FAM124A: variants seen among roughly 807,000 people sequenced by gnomAD.
The protein encoded by FAM124A is family with sequence similarity 124 member A.
In FAM124A, 23 loss-of-function variants were observed where a neutral mutation model predicts 24.5. The ratio of observed to expected loss-of-function variants is 0.94; its 90% CI spans 0.68 to 1.33. The LOEUF is 1.33. Among genes scored for constraint, FAM124A ranks in the 40% most tolerant of loss-of-function variants. FAM124A has a pLI of 0.00. For missense variants in FAM124A, 623 were observed against 722.8 expected (o/e 0.86, Z 1.58); for synonymous variants, 287 against 314.7 (o/e 0.91, Z 0.93).
chr13:51,245,330 G>T (rs117053935), intron 2 of FAM124A: 2 of 686,688 alleles, frequency 2.9e-6, no homozygotes. Context: ...TCCACCTGGC[G>T]GATGCCATGT....
At chr13:51,254,293 A>G (rs886311269) in intron 3 of FAM124A, among the ~76,000 whole-genome samples, 1 of 152,196 alleles carries the variant, frequency 6.6e-6, no homozygotes, top group Non-Finnish European at 1.5e-5. Context: ...TTTTGTTCAG[A>G]AAGATTGCAT....
At chr13:51,256,639 T>C (rs1041711646) in intron 3 of FAM124A, among the ~76,000 whole-genome samples, 2 of 152,202 alleles carry the variant, frequency 1.3e-5, no homozygotes, top group African/African-American at 4.8e-5. Flanking sequence ...GGGGATGTGA[T>C]GAGGGACTGA....
rs1158933995 is a variant in FAM124A, at chr13:51,272,942, A to G, written c.835-7508A>G. On this transcript the variant is annotated intron_variant, in intron 3 of 3. Transcript: ENST00000322475. The surrounding 1 kb of genome is among the most constrained non-coding windows in gnomAD (Gnocchi z 4.2). Reference sequence around the variant, plus strand: ...CATTGCACAGAGTTCTATAGACAGCACTGCTCTAAGAAATGACACTTGGAT... The same window carrying G: ...CATTGCACAGAGTTCTATAGACAGCGCTGCTCTAAGAAATGACACTTGGAT... 6.6e-6 allele frequency among the ~76,000 whole-genome samples: 1 copy of G among 152,238 alleles called. No homozygotes were observed.
At chr13:51,252,417 T>A in intron 3 of FAM124A, 1 of 634,428 alleles carries the variant, frequency 1.6e-6, no homozygotes, top group Non-Finnish European at 2.6e-6. Flanking sequence ...CATTTCACTT[T>A]CAGCAAACAT....
intron 3 of FAM124A, chr13:51,252,665 G>T (rs1045639173): frequency 1.8e-5 from 3 of 162,326 alleles, no homozygotes; most frequent in Admixed American, 1.2e-4. Context: ...GTTCATAGAG[G>T]AGATAGCTGT....
At chr13:51,244,086 C>T (rs1328151575) in intron 2 of FAM124A, among the ~76,000 whole-genome samples, 1 of 152,214 alleles carries the variant, frequency 6.6e-6, no homozygotes, top group Non-Finnish European at 1.5e-5. Flanking sequence ...CAACCTGCAA[C>T]AGCTGGAGGT....
At chr13:51,246,412 G>GGGGT (rs1566165833) in intron 2 of FAM124A, among the ~76,000 whole-genome samples, 8 of 135,156 alleles carry the variant, frequency 5.9e-5, no homozygotes, top group Non-Finnish European at 1.2e-4. Context: ...GGTGGGGGGG[G>GGGGT]GTGTAACTCT....
At chr13:51,267,205 T>A (rs1409008484) in intron 3 of FAM124A, among the ~76,000 whole-genome samples, 2 of 152,330 alleles carry the variant, frequency 1.3e-5, no homozygotes, top group East Asian at 3.9e-4. Flanking sequence ...CATGCTAAGA[T>A]TCACTAGTAA....
At chr13:51,228,480 C>T (rs1446517107) in intron 1 of FAM124A, among the ~76,000 whole-genome samples, 2 of 152,114 alleles carry the variant, frequency 1.3e-5, no homozygotes, top group Non-Finnish European at 2.9e-5. Flanking sequence ...ATTTTTCATT[C>T]TAAATTCACC....
chr13:51,244,369 C>T (rs1428100068), intron 2 of FAM124A, among the ~76,000 whole-genome samples: 1 of 152,182 alleles, frequency 6.6e-6, no homozygotes, highest in Non-Finnish European at 1.5e-5. Context: ...TTTTATTCAC[C>T]ACTGTATCCT....
chr13:51,245,099 G>A (rs77882152), intron 2 of FAM124A, among the ~76,000 whole-genome samples: 1,631 of 152,308 alleles, frequency 0.011, 21 homozygotes, highest in African/African-American at 0.034. Flanking sequence ...GCAGAGAGAG[G>A]GCTCCCAAGC....
At chr13:51,247,251 G>A (rs1238390337) in intron 2 of FAM124A, among the ~76,000 whole-genome samples, 1 of 152,250 alleles carries the variant, frequency 6.6e-6, no homozygotes, top group Non-Finnish European at 1.5e-5. Context: ...TGCTGTGAAA[G>A]GGATACAGTG....
At chr13:51,255,708 G>C (rs1033000384) in intron 3 of FAM124A, among the ~76,000 whole-genome samples, 5 of 151,784 alleles carry the variant, frequency 3.3e-5, no homozygotes, top group South Asian at 2.1e-4. Flanking sequence ...GACTCACAAG[G>C]CTTTCTTAAC....
In FAM124A at chr13:51,280,492, C is replaced by T. The variant is rs1954924792; in HGVS notation, c.877C>T (p.His293Tyr). The T allele has an allele frequency of 6.2e-7, 1 of 1,613,430 alleles. No individual in the cohort carries two copies. The highest frequency in any genetic ancestry group is 8.5e-7 in the Non-Finnish European group (1 of 1,179,644). ...HKKFPKPGRV[H>Y]HASEKKRHST... is the part of the protein sequence containing the mutation. ...GAAGTTTCCTAAACCTGGCAGAGTA[C>T]ATCATGCCTCCGAGAAGAAACGTCA... Residue 293 changes from histidine (H) to tyrosine (Y), a missense_variant, in exon 4 of 4, where the codon CAT becomes TAT. Coordinates refer to ENST00000322475, the MANE Select transcript of FAM124A (RefSeq NM_001242312.2).
rs11839585 is a variant in FAM124A at position 51,242,183 on chromosome 13, G to A, written c.101-9285G>A. Among the ~76,000 whole-genome samples the A allele has an allele frequency of 2.8e-3, 425 of 152,124 alleles. 2 individuals carry two copies. The highest frequency in any genetic ancestry group is 9.8e-3 in the African/African-American group (406 of 41,472). On this transcript the variant is annotated intron_variant, in intron 2 of 3. Transcript: ENST00000322475. ...TTCCAAGCCCTGCTCTGTCATCTCTGGATCTCCAGTATTTGTTGAGATCCT... is the reference window on the plus strand; with the variant it reads ...TTCCAAGCCCTGCTCTGTCATCTCTAGATCTCCAGTATTTGTTGAGATCCT...
In FAM124A at chr13:51,232,977, A is replaced by G. The variant is rs543025515; in HGVS notation, c.100+1598A>G. Among the ~76,000 whole-genome samples, 11 of 152,180 alleles carry G rather than the reference A, an allele frequency of 7.2e-5. No individual in the cohort carries two copies. In the South Asian group the frequency reaches 2.3e-3, roughly 32 times the overall value. On this transcript the variant is annotated intron_variant, in intron 2 of 3. Transcript: ENST00000322475. ...TTCTATTAGTGCAGCTGGGATCAAT[A>G]CCCTGCTATTGCTCTTCCTTTCTAC...
rs1231105190 is a variant in FAM124A at position 51,258,866 on chromosome 13, GA to G, written c.834+6667del. On this transcript the variant is annotated intron_variant, in intron 3 of 3. Transcript: ENST00000322475. The surrounding 1 kb of genome is among the most constrained non-coding windows in gnomAD (Gnocchi z 4.2). ...GGATGGGTTCACGTGGCCGGGGTAGGAAGATGCCACGAGAGGCTGCTCAGAA... is the reference window on the plus strand; with the variant it reads ...GGATGGGTTCACGTGGCCGGGGTAGGAGATGCCACGAGAGGCTGCTCAGAA... 4.6e-5 allele frequency among the ~76,000 whole-genome samples: 7 copies of G among 152,216 alleles called. No homozygotes were observed. The highest frequency in any genetic ancestry group is 1.7e-4 in the African/African-American group (7 of 41,454).
intron 3 of FAM124A, among the ~76,000 whole-genome samples, chr13:51,275,860 A>G (rs899318870): frequency 7.9e-5 from 12 of 152,132 alleles, no homozygotes; most frequent in African/African-American, 2.9e-4. Context: ...CAGCATTTCC[A>G]CTCCTGGGAA....
intron 3 of FAM124A, among the ~76,000 whole-genome samples, chr13:51,274,588 A>G (rs1309716033): frequency 6.6e-6 from 1 of 152,208 alleles, no homozygotes; most frequent in Non-Finnish European, 1.5e-5. Flanking sequence ...CAGAGTCCTC[A>G]TAACTTTTTT....
Sources: gnomAD v4.1 joint callset for allele counts (sites outside exome capture counted in the v4.1 genomes callset) on GRCh38, gnomAD v4.1.1 for gene constraint, Gnocchi (gnomAD v3.1) non-coding constraint, MANE v1.5 for transcripts, NCBI Gene and HGNC (gene_info 2026-07-23, HGNC 2026-07-21) for gene names.